The following MBNL2 variants were observed in gnomAD, a reference collection of about 807,000 sequenced individuals.
MBNL2 encodes the protein muscleblind-like protein 2.
A neutral mutation model predicts 41.9 loss-of-function variants in MBNL2; 17 were observed. The ratio of observed to expected loss-of-function variants is 0.41; its 90% CI spans 0.28 to 0.61. The LOEUF is 0.61. MBNL2 is among the 20% of genes least tolerant of loss of function. The probability of loss-of-function intolerance (pLI) is 0.35; values close to 1 mark genes in which losing one functional copy is unlikely to be tolerated. For synonymous variants in MBNL2, 195 were observed against 182.9 expected (o/e 1.07, Z -0.53); for missense variants, 336 against 505.6 (o/e 0.66, Z 3.22).
Position 97,357,475 on chromosome 13 carries a change from T to C in MBNL2, c.859-7T>C, listed in dbSNP as rs1247314312. 2.5e-6 allele frequency: 4 copies of C among 1,613,632 alleles called. No homozygotes were observed. The highest frequency in any genetic ancestry group is 3.4e-6 in the Non-Finnish European group (4 of 1,179,562). On this transcript the variant is annotated splice_region_variant and splice_polypyrimidine_tract_variant and intron_variant, in intron 6 of 8. Transcript: ENST00000679496. The stretch of plus-strand genomic sequence containing the variant: ...TAGACATATCTTATCGAATTCTTCA[T>C]TTCTAGGCCTTTCCCCCTGGTGCTC...
chr13:97,374,888 A>T lies in MBNL2; in HGVS notation c.1048+9717A>T, dbSNP rs113877175. Among the ~76,000 whole-genome samples the T allele has an allele frequency of 2.3e-3, 353 of 152,314 alleles. 2 individuals are homozygous for T. Among genetic ancestry groups the T allele is most frequent in the South Asian group, 2.5e-3 (12 of 4,830 alleles). ...TCCAGCTCTAGATTTGTAAGGAAAGAGAGACTAGCTACAGTGAAGGAATTC... is the reference window on the plus strand; with the variant it reads ...TCCAGCTCTAGATTTGTAAGGAAAGTGAGACTAGCTACAGTGAAGGAATTC... On this transcript the variant is annotated intron_variant, in intron 8 of 8. Coordinates refer to ENST00000679496, the MANE Select transcript of MBNL2 (RefSeq NM_001382683.1).
chr13:97,374,886 A>G (rs1036667967), intron 8 of MBNL2, among the ~76,000 whole-genome samples: 3 of 152,208 alleles, frequency 2.0e-5, no homozygotes, highest in African/African-American at 7.2e-5. Context: ...TTGTAAGGAA[A>G]GAGAGACTAG....
chr13:97,313,015 T>C (rs1417543000), intron 2 of MBNL2, among the ~76,000 whole-genome samples: 2 of 152,184 alleles, frequency 1.3e-5, no homozygotes, highest in African/African-American at 2.4e-5. Flanking sequence ...CTTGCATCCA[T>C]TGGGGTAGCA....
chr13:97,186,876 G>A, the MBNL2 span, among the ~76,000 whole-genome samples: 1 of 152,144 alleles, frequency 6.6e-6, no homozygotes, highest in Non-Finnish European at 1.5e-5. Flanking sequence ...CATTTCACAC[G>A]TGACACCTCC....
the MBNL2 span, among the ~76,000 whole-genome samples, chr13:97,159,331 G>T: frequency 5.1e-3 from 780 of 151,986 alleles, 3 homozygotes; most frequent in African/African-American, 0.018. Flanking sequence ...GCACACTGAT[G>T]GGTCTTGACT....
At chr13:97,267,802 C>G (rs910766264) in intron 1 of MBNL2, among the ~76,000 whole-genome samples, 1 of 152,176 alleles carries the variant, frequency 6.6e-6, no homozygotes, top group African/African-American at 2.4e-5. Context: ...GGGGGCAGCC[C>G]GGCCAGCACT....
chr13:97,368,701 TGTGTGTGTGTGTGTGTGTGTGTGTGTTC>T, intron 8 of MBNL2, among the ~76,000 whole-genome samples: 1 of 46,500 alleles, frequency 2.2e-5, no homozygotes, highest in South Asian at 5.7e-4. Context: ...TATTCAAGTT[TGTGTGTGTGTGTGTGTGTGTGTGTGTTC>T]GTGTCTGTGT....
chr13:97,210,091 T>G, the MBNL2 span, among the ~76,000 whole-genome samples: 1 of 152,220 alleles, frequency 6.6e-6, no homozygotes, highest in Non-Finnish European at 1.5e-5. Flanking sequence ...CCACCACACC[T>G]GGCCGACATT....
chr13:97,160,057 T>C, the MBNL2 span, among the ~76,000 whole-genome samples: 2 of 152,196 alleles, frequency 1.3e-5, no homozygotes, highest in Non-Finnish European at 2.9e-5. Flanking sequence ...ATTTGGTCTT[T>C]TCACATAGTC....
the MBNL2 span, among the ~76,000 whole-genome samples, chr13:97,170,175 A>G: frequency 1.3e-3 from 201 of 152,326 alleles, no homozygotes; most frequent in Non-Finnish European, 2.5e-3. Flanking sequence ...CTTAAATTCT[A>G]CATGCTGAAA....
chr13:97,160,233 C>T, the MBNL2 span, among the ~76,000 whole-genome samples: 14 of 152,332 alleles, frequency 9.2e-5, no homozygotes, highest in East Asian at 2.3e-3. Flanking sequence ...AAGCCAATTA[C>T]ATCATTTCAG....
chr13:97,272,534 A>G (rs2051266770), intron 1 of MBNL2, among the ~76,000 whole-genome samples: 1 of 152,138 alleles, frequency 6.6e-6, no homozygotes, highest in Non-Finnish European at 1.5e-5. Flanking sequence ...TATGTCCTGA[A>G]TGGTATTGCC....
chr13:97,157,001 C>T, the MBNL2 span, among the ~76,000 whole-genome samples: 6 of 149,790 alleles, frequency 4.0e-5, no homozygotes, highest in Non-Finnish European at 6.0e-5. Context: ...GCCATTTTCA[C>T]GATATTGATT....
At chr13:97,191,273 G>A in the MBNL2 span, among the ~76,000 whole-genome samples, 5 of 151,136 alleles carry the variant, frequency 3.3e-5, no homozygotes, top group Admixed American at 6.6e-5. Flanking sequence ...ACAGAAGTGC[G>A]AACCCTTTGC....
At chr13:97,338,438 A>G (rs1206599909) in intron 3 of MBNL2, among the ~76,000 whole-genome samples, 1 of 152,210 alleles carries the variant, frequency 6.6e-6, no homozygotes, top group East Asian at 1.9e-4. Context: ...CTTCAGTTCA[A>G]TCAATGTACA....
chr13:97,309,634 C>A lies in MBNL2; in HGVS notation c.175-24642C>A, dbSNP rs545325985. On this transcript the variant is annotated intron_variant, in intron 2 of 8. Transcript: ENST00000679496. ...ATAAGGTTCTGTTGTTTGAGCCACC[C>A]AGCTTGTAGTACTTGGTTATGGCAG... is the stretch of plus-strand genomic sequence containing the variant. Among the ~76,000 whole-genome samples the A allele has an allele frequency of 4.6e-5, 7 of 152,248 alleles. No homozygotes were observed. The South Asian group carries it at 1.2e-3, about 27-fold the overall frequency.
chr13:97,220,113 T>C (rs538933632), upstream of MBNL2, among the ~76,000 whole-genome samples: 1 of 152,308 alleles, frequency 6.6e-6, no homozygotes, highest in South Asian at 2.1e-4. Context: ...GTCAGCAAGT[T>C]TGTGCATGGC....
chr13:97,324,345 G>T (rs985006820), intron 2 of MBNL2, among the ~76,000 whole-genome samples: 6 of 152,166 alleles, frequency 3.9e-5, no homozygotes, highest in Non-Finnish European at 5.9e-5. Context: ...TGCACCCGTC[G>T]TATGAGGTTT....
At chr13:97,323,786 A>C (rs1440165474) in intron 2 of MBNL2, among the ~76,000 whole-genome samples, 1 of 152,094 alleles carries the variant, frequency 6.6e-6, no homozygotes, top group African/African-American at 2.4e-5. Context: ...ATTAAAAAAA[A>C]AATTTTGTGG....
Sources: allele counts gnomAD v4.1 joint callset (sites outside exome capture counted in the v4.1 genomes callset), GRCh38; gene constraint gnomAD v4.1.1; transcripts MANE v1.5; gene names NCBI Gene and HGNC (gene_info 2026-07-23, HGNC 2026-07-21).